Variants in KLHL6 observed in about 807,000 individuals in gnomAD.
KLHL6 encodes kelch-like protein 6.
A neutral mutation model predicts 58.6 loss-of-function variants in KLHL6; 41 were observed. The ratio of observed to expected loss-of-function variants is 0.70; its 90% confidence interval spans 0.55 to 0.91. The LOEUF (loss-of-function observed/expected upper bound fraction) is 0.91. Ranked by LOEUF, KLHL6 falls within the 40% of genes least tolerant of loss-of-function variation. KLHL6 has a pLI of 0.00. For missense variants in KLHL6, 714 were observed against 805.6 expected (o/e 0.89, Z 1.38); for synonymous variants, 338 against 322.7 (o/e 1.05, Z -0.51).
Position 183,499,543 on chromosome 3 carries a change from T to C in KLHL6, c.1147+47A>G, listed in dbSNP as rs186285328. On this transcript the variant is annotated intron_variant, in intron 4 of 6. Coordinates refer to ENST00000341319, the MANE Select transcript of KLHL6 (RefSeq NM_130446.4). The surrounding 1 kb of genome is among the most constrained non-coding windows in gnomAD (Gnocchi z 4.6). Reference sequence around the variant, plus strand: ...TGCCTGGCTGCCACTCAGGAATATATGTAGTGCTACTGGAGCTTGCTTTGC... The same window carrying C: ...TGCCTGGCTGCCACTCAGGAATATACGTAGTGCTACTGGAGCTTGCTTTGC... 2.4e-5 allele frequency: 31 copies of C among 1,309,498 alleles called. No individual in the cohort carries two copies. The East Asian group carries it at 3.5e-4, about 15-fold the overall frequency. 81.1% of individuals were successfully genotyped at this position (1,309,498 alleles called of 1,614,324 possible). A position where few individuals can be genotyped will look rare whatever the true frequency, so the allele number is the denominator to read the frequency against.
rs982570291 is a variant in KLHL6 at position 183,490,396 on chromosome 3, T to C, written c.*1531A>G. 4.6e-5 allele frequency: 7 copies of C among 152,056 alleles called. No homozygotes were observed. Among genetic ancestry groups the C allele is most frequent in the African/African-American group, 1.4e-4 (6 of 41,388 alleles). 9.4% of individuals were successfully genotyped at this position (152,056 alleles called of 1,614,324 possible). ...AGTTTGAGTCTCTAGAGACATCTTG[T>C]CTATATTGCAGTACAACTGGTGAAC... is the stretch of plus-strand genomic sequence containing the variant. On this transcript the variant is annotated 3_prime_UTR_variant, in exon 7 of 7. Transcript: ENST00000341319.
At chr3:183,518,372 T>C (rs142065344) in intron 2 of KLHL6, among the ~76,000 whole-genome samples, 2 of 152,262 alleles carry the variant, frequency 1.3e-5, no homozygotes, top group East Asian at 3.9e-4. Flanking sequence ...AAATGGGATA[T>C]GTAGGGGACA....
chr3:183,519,795 C>T (rs997984730), intron 2 of KLHL6, among the ~76,000 whole-genome samples: 2 of 149,296 alleles, frequency 1.3e-5, no homozygotes, highest in Admixed American at 6.7e-5. Context: ...ACTTGAAAGG[C>T]CAAGGTAGGA....
intron 2 of KLHL6, among the ~76,000 whole-genome samples, chr3:183,515,365 T>C (rs1016410091): frequency 1.3e-5 from 2 of 152,066 alleles, no homozygotes; most frequent in African/African-American, 4.8e-5. Flanking sequence ...CTGAGCAACA[T>C]AGTGAGACCT....
chr3:183,496,918 A>G (rs888197513), intron 4 of KLHL6, among the ~76,000 whole-genome samples: 1 of 152,200 alleles, frequency 6.6e-6, no homozygotes, highest in Admixed American at 6.5e-5. Flanking sequence ...TGGGCGGATC[A>G]CCTGAGATCA....
chr3:183,524,202 T>C (rs1215384184), intron 2 of KLHL6, among the ~76,000 whole-genome samples: 1 of 152,124 alleles, frequency 6.6e-6, no homozygotes, highest in African/African-American at 2.4e-5. Flanking sequence ...CCCAGGTCCA[T>C]AGTTTGGGGC....
intron 2 of KLHL6, among the ~76,000 whole-genome samples, chr3:183,519,610 G>A (rs902229169): frequency 3.9e-5 from 6 of 152,048 alleles, no homozygotes; most frequent in Non-Finnish European, 8.8e-5. Context: ...AGGTTTGGAC[G>A]ACCACAGTGC....
chr3:183,521,383 G>T (rs1711751541), intron 2 of KLHL6: 1 of 152,520 alleles, frequency 6.6e-6, no homozygotes, highest in African/African-American at 2.4e-5. Context: ...CCCAGAGGGT[G>T]CTGGGCCAGT....
At chr3:183,528,259 T>G (rs1319546413) in intron 1 of KLHL6, among the ~76,000 whole-genome samples, 2 of 152,166 alleles carry the variant, frequency 1.3e-5, no homozygotes, top group African/African-American at 4.8e-5. Context: ...CCAGATCTAT[T>G]TTATTGGCTT....
intron 4 of KLHL6, among the ~76,000 whole-genome samples, chr3:183,494,663 C>G (rs927012728): frequency 6.6e-6 from 1 of 152,092 alleles, no homozygotes; most frequent in Non-Finnish European, 1.5e-5. Context: ...CAAGGCTGGG[C>G]GGGGACAGTG....
chr3:183,497,223 C>A (rs541746578), intron 4 of KLHL6, among the ~76,000 whole-genome samples: 168 of 152,246 alleles, frequency 1.1e-3, no homozygotes, highest in Non-Finnish European at 2.9e-4. Context: ...ACCAGCCTGG[C>A]CAACATGGTG....
At chr3:183,518,175 A>C (rs1246898999) in intron 2 of KLHL6, among the ~76,000 whole-genome samples, 1 of 152,156 alleles carries the variant, frequency 6.6e-6, no homozygotes, top group East Asian at 1.9e-4. Context: ...AAGTGGATAT[A>C]TGGAGTTGGA....
At chr3:183,537,091 T>C (rs992610850) in intron 1 of KLHL6, among the ~76,000 whole-genome samples, 1 of 152,136 alleles carries the variant, frequency 6.6e-6, no homozygotes, top group African/African-American at 2.4e-5. Context: ...ATGCTGAACA[T>C]GGGTAAGATG....
chr3:183,500,598 G>A (rs760543853), intron 3 of KLHL6, among the ~76,000 whole-genome samples: 11 of 152,220 alleles, frequency 7.2e-5, no homozygotes, highest in Admixed American at 1.3e-4. Context: ...AAGGTATGAG[G>A]TAGAGGCGTG....
chr3:183,511,271 C>A (rs923119498), intron 2 of KLHL6, among the ~76,000 whole-genome samples: 1 of 152,208 alleles, frequency 6.6e-6, no homozygotes, highest in African/African-American at 2.4e-5. Context: ...TTGCTTCTCT[C>A]CACCCAAACA....
At chr3:183,513,709 C>CT (rs55646463) in intron 2 of KLHL6, among the ~76,000 whole-genome samples, 77,317 of 151,452 alleles carry the variant, frequency 0.51, 20,341 homozygotes, top group Non-Finnish European at 0.58. Context: ...GCATGTATTT[C>CT]TTTTTTTTTA....
chr3:183,543,918 C>G (rs572733371), intron 1 of KLHL6, among the ~76,000 whole-genome samples: 5 of 152,158 alleles, frequency 3.3e-5, no homozygotes, highest in Admixed American at 2.6e-4. Flanking sequence ...AATCCCAGCA[C>G]TTTGGGAGGC....
intron 1 of KLHL6, among the ~76,000 whole-genome samples, chr3:183,542,855 C>CATGGATGG (rs10581731): frequency 1.0e-4 from 15 of 143,154 alleles, no homozygotes; most frequent in East Asian, 6.0e-4. Flanking sequence ...TGGATGGATA[C>CATGGATGG]ATGGATGGAT....
At chr3:183,517,955 A>G (rs918984442) in intron 2 of KLHL6, among the ~76,000 whole-genome samples, 1 of 152,234 alleles carries the variant, frequency 6.6e-6, no homozygotes, top group Non-Finnish European at 1.5e-5. Context: ...CCCCGTGAAC[A>G]CAGGCAGCTG....
Sources: gnomAD v4.1 joint callset for allele counts (sites outside exome capture counted in the v4.1 genomes callset) on GRCh38, gnomAD v4.1.1 for gene constraint, Gnocchi (gnomAD v3.1) non-coding constraint, MANE v1.5 for transcripts, NCBI Gene and HGNC (gene_info 2026-07-23, HGNC 2026-07-21) for gene names.